CSMD3: variants seen among roughly 807,000 people sequenced by gnomAD.
CSMD3 encodes CUB and sushi domain-containing protein 3.
A neutral mutation model predicts 435.2 loss-of-function variants in CSMD3; 177 were observed. The ratio of observed to expected loss-of-function variants is 0.41; its 90% CI spans 0.36 to 0.46. The LOEUF is 0.46. Among genes scored for constraint, CSMD3 ranks in the 20% least tolerant of loss-of-function variants. The pLI is 0.34. For missense variants in CSMD3, 4,265 were observed against 4,504.6 expected (o/e 0.95, Z 1.52); for synonymous variants, 1,656 against 1,520.5 (o/e 1.09, Z -2.07).
intron 5 of CSMD3, among the ~76,000 whole-genome samples, chr8:113,041,872 T>A (rs189716954): frequency 6.6e-6 from 1 of 152,304 alleles, no homozygotes; most frequent in African/African-American, 2.4e-5. Context: ...AGATATATTT[T>A]GCTTCAAAGT....
chr8:113,430,090 T>C (rs1479618134), intron 1 of CSMD3, among the ~76,000 whole-genome samples: 2 of 152,132 alleles, frequency 1.3e-5, no homozygotes, highest in African/African-American at 2.4e-5. Flanking sequence ...CAGAAGTGAA[T>C]GTGTAAAAGT....
intron 13 of CSMD3, among the ~76,000 whole-genome samples, chr8:112,711,897 G>A (rs556145514): frequency 3.4e-4 from 51 of 152,124 alleles, no homozygotes; most frequent in African/African-American, 1.2e-3. Flanking sequence ...TGAGTATCTG[G>A]TACTACAGGA....
At chr8:112,897,179 C>G (rs2081971475) in intron 10 of CSMD3, among the ~76,000 whole-genome samples, 1 of 151,286 alleles carries the variant, frequency 6.6e-6, no homozygotes, top group Admixed American at 6.6e-5. Flanking sequence ...CTTAGGACTT[C>G]ATTATTTTTA....
intron 22 of CSMD3, among the ~76,000 whole-genome samples, chr8:112,630,127 T>A (rs1362088224): frequency 6.6e-6 from 1 of 152,164 alleles, no homozygotes; most frequent in African/African-American, 2.4e-5. Context: ...AATTGTAGTC[T>A]GTGGACCCTG....
chr8:112,674,256 T>C (rs917884919), intron 16 of CSMD3, among the ~76,000 whole-genome samples: 1 of 152,142 alleles, frequency 6.6e-6, no homozygotes, highest in Non-Finnish European at 1.5e-5. Flanking sequence ...CCTCTTCCTT[T>C]TACCTTTAGA....
intron 6 of CSMD3, among the ~76,000 whole-genome samples, chr8:112,988,838 T>A (rs141956133): frequency 1.6e-4 from 25 of 152,140 alleles, no homozygotes; most frequent in Non-Finnish European, 2.8e-4. Context: ...AGCCTAACAC[T>A]TATTGATCAT....
chr8:112,827,531 C>A (rs894140011), intron 12 of CSMD3, among the ~76,000 whole-genome samples: 1 of 152,010 alleles, frequency 6.6e-6, no homozygotes, highest in African/African-American at 2.4e-5. Flanking sequence ...ACATGTTTTA[C>A]AATTTTATCT....
chr8:113,289,290 G>A (rs531793403), intron 2 of CSMD3, among the ~76,000 whole-genome samples: 1 of 151,664 alleles, frequency 6.6e-6, no homozygotes, highest in African/African-American at 2.4e-5. Flanking sequence ...TCTTCTTGAC[G>A]CACTACATTA....
At chr8:113,431,627 A>G (rs951989101) in intron 1 of CSMD3, among the ~76,000 whole-genome samples, 1 of 152,226 alleles carries the variant, frequency 6.6e-6, no homozygotes, top group African/African-American at 2.4e-5. Context: ...GAACACATGA[A>G]GAAGTATATT....
chr8:113,381,458 CAG>C (rs1207237515), intron 1 of CSMD3, among the ~76,000 whole-genome samples: 2 of 152,108 alleles, frequency 1.3e-5, no homozygotes, highest in Non-Finnish European at 2.9e-5. Context: ...AATGTCCATT[CAG>C]AGTTTTTGAA....
At chr8:112,514,390 C>T (rs929405013) in intron 28 of CSMD3, among the ~76,000 whole-genome samples, 4 of 152,122 alleles carry the variant, frequency 2.6e-5, no homozygotes, top group African/African-American at 9.7e-5. Context: ...AACCATAAAG[C>T]ATTCAAAATA....
Position 112,617,449 on chromosome 8 carries a change from C to T in CSMD3, c.3715+19368G>A, listed in dbSNP as rs867867953. On this transcript the variant is annotated intron_variant, in intron 22 of 70. Coordinates refer to ENST00000297405, the MANE Select transcript of CSMD3 (RefSeq NM_198123.2). ...ATTTGGGGTAGATTATGTGTAAATA[C>T]ACCTAGGAGAAAACAAACCACAATA... 3.3e-5 allele frequency among the ~76,000 whole-genome samples: 5 copies of T among 152,118 alleles called. No homozygotes were observed. The South Asian group carries it at 6.2e-4, about 19-fold the overall frequency.
At chr8:112,848,692 G>A (rs1024376739) in intron 11 of CSMD3, among the ~76,000 whole-genome samples, 2 of 152,074 alleles carry the variant, frequency 1.3e-5, no homozygotes, top group Non-Finnish European at 2.9e-5. Context: ...ATGACATGGT[G>A]AGGCATGGAT....
rs575609757 is a variant in CSMD3 at position 112,638,925 on chromosome 8, T to C, written c.3311-14A>G. 20 of 1,554,152 alleles carry C rather than the reference T, an allele frequency of 1.3e-5. No homozygotes were observed. In the South Asian group the frequency reaches 1.3e-4, roughly 10 times the overall value. The stretch of plus-strand genomic sequence containing the variant: ...TGAACTGCACACCTATTAAGAAAAA[T>C]AGAAACACTGAATTTACAGGTAGAT... On this transcript the variant is annotated splice_polypyrimidine_tract_variant and intron_variant, in intron 20 of 70. Transcript: ENST00000297405.
chr8:113,034,188 C>T (rs1271201224), intron 5 of CSMD3, among the ~76,000 whole-genome samples: 1 of 151,298 alleles, frequency 6.6e-6, no homozygotes, highest in Admixed American at 6.6e-5. Context: ...TATTGCAATT[C>T]AATGTGAATT....
intron 10 of CSMD3, among the ~76,000 whole-genome samples, chr8:112,901,256 CT>C (rs1433684466): frequency 1.3e-5 from 2 of 151,284 alleles, no homozygotes; most frequent in Non-Finnish European, 3.0e-5. Context: ...GACTCAAACT[CT>C]TTTGCAGTGT....
At chr8:112,498,880 A>G (rs1488289761) in intron 30 of CSMD3, among the ~76,000 whole-genome samples, 1 of 152,166 alleles carries the variant, frequency 6.6e-6, no homozygotes, top group African/African-American at 2.4e-5. Flanking sequence ...TATTATTCTA[A>G]TATTTGAATT....
Position 112,280,946 on chromosome 8 carries a change from CCTCT to C in CSMD3, c.9508+224_9508+227del, listed in dbSNP as rs530182734. Among the ~76,000 whole-genome samples, 441 of 152,240 alleles carry C rather than the reference CCTCT, an allele frequency of 2.9e-3. 3 individuals carry two copies. Among genetic ancestry groups the C allele is most frequent in the African/African-American group, 0.01 (416 of 41,562 alleles). On this transcript the variant is annotated intron_variant, in intron 59 of 70. Transcript: ENST00000297405. ...ATTTATTAGTGCTGACTTCCTCTGA[CCTCT>C]CTTTCTGCTGCCAGTTAATGTAGTA...
intron 4 of CSMD3, among the ~76,000 whole-genome samples, chr8:113,140,445 G>C (rs185842756): frequency 1.5e-4 from 22 of 150,766 alleles, no homozygotes; most frequent in Non-Finnish European, 2.7e-4. Context: ...CAGCCTACAA[G>C]AGCAGACTAC....
Sources: gnomAD v4.1 joint callset for allele counts (sites outside exome capture counted in the v4.1 genomes callset) on GRCh38, gnomAD v4.1.1 for gene constraint, MANE v1.5 for transcripts, NCBI Gene and HGNC (gene_info 2026-07-23, HGNC 2026-07-21) for gene names.